TAP1: variants seen among roughly 807,000 people sequenced by gnomAD.
The protein encoded by TAP1 is transporter 1, ATP binding cassette subfamily B member.
TAP1 carries 56 observed loss-of-function variants against 79.3 expected under a neutral mutation model. The observed-to-expected ratio is 0.71, with a 90% CI of 0.57 to 0.88. TAP1 has a LOEUF of 0.88. Among genes scored for constraint, TAP1 ranks in the 40% least tolerant of loss-of-function variants. The probability of loss-of-function intolerance (pLI) is 0.00; values close to 1 mark genes in which losing one functional copy is unlikely to be tolerated. For synonymous variants in TAP1, 355 were observed against 401.4 expected (o/e 0.88, Z 1.38); for missense variants, 737 against 936.3 (o/e 0.79, Z 2.78).
chr6:32,852,756 G>C lies in TAP1; in HGVS notation c.599-254C>G. On this transcript the variant is annotated intron_variant, in intron 1 of 10. Coordinates refer to ENST00000354258, the MANE Select transcript of TAP1 (RefSeq NM_000593.6). This position sits in a 1 kb window ranked among gnomAD's most constrained non-coding sequence, Gnocchi z 4.8. ...TGAAGTAGAAAAGCCTCCTGTTAGA[G>C]ATGAGGATGCCCCGCCCTTCGGCCC... 6.9e-7 allele frequency: 1 copy of C among 1,443,062 alleles called. No individual in the cohort carries two copies. Among genetic ancestry groups the C allele is most frequent in the South Asian group, 1.5e-5 (1 of 66,678 alleles). The allele number at this position is 1,443,062 out of a possible 1,614,324, so 89.4% of individuals were successfully genotyped here. A position where few individuals can be genotyped will look rare whatever the true frequency, so the allele number is the denominator to read the frequency against.
Position 32,848,993 on chromosome 6 carries a change from C to A in TAP1, c.1374G>T (p.Val458=), listed in dbSNP as rs770774892. Residue 458 remains valine (V), a synonymous_variant, in exon 6 of 11, where the codon GTG becomes GTT. Transcript: ENST00000354258. ...AGTGAAGGTGGAGGGACCTCACCTCCACAGCCTGGGTGAACTGCATCTGGT... is the reference window on the plus strand; with the variant it reads ...AGTGAAGGTGGAGGGACCTCACCTCAACAGCCTGGGTGAACTGCATCTGGT... ...VLYQMQFTQA[V]EVLLSIYPRV... is the part of the protein sequence containing the mutation. The A allele has an allele frequency of 5.6e-6, 9 of 1,612,448 alleles. No homozygotes were observed. In the Admixed American group the frequency reaches 6.7e-5, roughly 12 times the overall value.
chr6:32,847,079 T>G lies in TAP1; in HGVS notation c.2029A>C (p.Ser677Arg). The G allele has an allele frequency of 6.2e-7, 1 of 1,612,824 alleles. No homozygotes were observed. Among genetic ancestry groups the G allele is most frequent in the Non-Finnish European group, 8.5e-7 (1 of 1,180,036 alleles). ...GATGACTGCCTCACCTGTAACTGGC[T>G]GTTTGCATCCAGGGCACTGGTGGCA... Reference protein sequence around the residue: ...DDATSALDANSQLQVEQLLYE... With the variant: ...DDATSALDANRQLQVEQLLYE... The change falls in exon 10 of 11, where the codon AGC (serine) becomes CGC (arginine). Residue 677 changes from serine to arginine, a missense_variant. Ser to Arg is a moderately radical substitution (Grantham distance 110, BLOSUM62 -1). This residue lies in a region of TAP1 where 266 missense variants were observed against 332.4 expected (regional missense o/e 0.80). Transcript: ENST00000354258. The surrounding 1 kb of genome is among the most constrained non-coding windows in gnomAD (Gnocchi z 4.7).
At position 32,850,326 on chromosome 6, in the gene TAP1, G is replaced by C; in HGVS notation, c.1242C>G (p.Thr414=). The change falls in exon 5 of 11, where the codon ACC becomes ACG. Residue 414 remains threonine (T), a synonymous_variant. Coordinates refer to ENST00000354258, the MANE Select transcript of TAP1 (RefSeq NM_000593.6). This position sits in a 1 kb window ranked among gnomAD's most constrained non-coding sequence, Gnocchi z 5.5. The part of the protein sequence containing the change: ...EAVAYAVNSW[T]TSISGMLLKV... ...TTCATCTTCAGGTGCTCACACTAGTGGTCCAGGAGTTGACTGCATAGGCCA... is the reference window on the plus strand; with the variant it reads ...TTCATCTTCAGGTGCTCACACTAGTCGTCCAGGAGTTGACTGCATAGGCCA... 6.2e-7 allele frequency: 1 copy of C among 1,614,200 alleles called. No individual in the cohort carries two copies. Among genetic ancestry groups the C allele is most frequent in the South Asian group, 1.1e-5 (1 of 91,090 alleles).
intron 7 of TAP1, 33 bp downstream of exon 7, chr6:32,848,619 G>A (rs375330861): frequency 3.7e-6 from 6 of 1,610,738 alleles, no homozygotes; most frequent in Non-Finnish European, 4.2e-6. Flanking sequence ...TTGCAGTTGG[G>A]GCCAGTGGAA....
rs575397236 is a variant in TAP1 at position 32,845,531 on chromosome 6, G to T, written c.*48C>A. 3.7e-6 allele frequency: 6 copies of T among 1,600,188 alleles called. No individual in the cohort carries two copies. In the African/African-American group the frequency reaches 8.0e-5, roughly 21 times the overall value. On this transcript the variant is annotated 3_prime_UTR_variant, in exon 11 of 11. Transcript: ENST00000354258. The surrounding 1 kb of genome is among the most constrained non-coding windows in gnomAD (Gnocchi z 4.5). ...TCTGCAGCTGTGGTTCTCCACCACA[G>T]AGAGAAGAAAAGGGAGGGAGATGGA...
In TAP1 at chr6:32,847,984, C is replaced by T. The variant is rs755212442; in HGVS notation, c.1675G>A (p.Gly559Arg). The T allele has an allele frequency of 7.4e-6, 12 of 1,612,988 alleles. No homozygotes were observed. Among genetic ancestry groups the T allele is most frequent in the East Asian group, 4.5e-5 (2 of 44,894 alleles). ...ALLQNLYQPTGGQLLLDGKPL... is the reference protein window; with the variant it reads ...ALLQNLYQPTRGQLLLDGKPL... ...TTCCCATCCAACAGCAGCTGTCCCC[C>T]GGTGGGCTGGTACAGATTCTGCAGC... The change falls in exon 8 of 11, where the codon GGG becomes AGG. Residue 559 changes from glycine to arginine, a missense_variant. By Grantham distance (125) the Gly-to-Arg change is moderately radical. Around this residue, in one of 5 missense-constraint regions of TAP1, gnomAD observed 266 missense variants for 332.4 expected, o/e 0.80. Transcript: ENST00000354258. This position sits in a 1 kb window ranked among gnomAD's most constrained non-coding sequence, Gnocchi z 4.7.
In TAP1 at chr6:32,847,778, C is replaced by A; in HGVS notation, c.1741-103G>T. On this transcript the variant is annotated intron_variant, in intron 8 of 10. Coordinates refer to ENST00000354258, the MANE Select transcript of TAP1 (RefSeq NM_000593.6). This position sits in a 1 kb window ranked among gnomAD's most constrained non-coding sequence, Gnocchi z 4.7. ...CTTTATTGAGAACATGTCACAAAAT[C>A]ATACTACCTCCCTCCTGACTACACC... is the stretch of plus-strand genomic sequence containing the variant. 1 of 1,563,748 alleles carries A rather than the reference C, an allele frequency of 6.4e-7. No homozygotes were observed. Among genetic ancestry groups the A allele is most frequent in the South Asian group, 1.1e-5 (1 of 89,938 alleles).
Position 32,851,722 on chromosome 6 carries a change from C to A in TAP1, c.844+387G>T, listed in dbSNP as rs1770788147. Among the ~76,000 whole-genome samples, 1 of 152,178 alleles carries A rather than the reference C, an allele frequency of 6.6e-6. No homozygotes were observed. Among genetic ancestry groups the A allele is most frequent in the Admixed American group, 6.5e-5 (1 of 15,280 alleles). On this transcript the variant is annotated intron_variant, in intron 3 of 10. Coordinates refer to ENST00000354258, the MANE Select transcript of TAP1 (RefSeq NM_000593.6). The surrounding 1 kb of genome is among the most constrained non-coding windows in gnomAD (Gnocchi z 4.8). ...TTAGGGTCTTGGCCTCAGTTTCCTTCTCTGTCAGATGAGGCAGTTGGTCTC... is the reference window on the plus strand; with the variant it reads ...TTAGGGTCTTGGCCTCAGTTTCCTTATCTGTCAGATGAGGCAGTTGGTCTC...
intron 5 of TAP1, chr6:32,849,966 A>T: frequency 2.6e-6 from 1 of 387,176 alleles, no homozygotes; most frequent in South Asian, 2.5e-5. Flanking sequence ...CACTCTCACT[A>T]ACAAATCTAC....
Position 32,847,355 on chromosome 6 carries a change from A to T in TAP1, c.1904-151T>A. Reference sequence around the variant, plus strand: ...GGGGAGATTCTGGGAAGATGAACAGAATCCTGAGGATGTCAGGATGAAGAA... The same window carrying T: ...GGGGAGATTCTGGGAAGATGAACAGTATCCTGAGGATGTCAGGATGAAGAA... On this transcript the variant is annotated intron_variant, in intron 9 of 10. Transcript: ENST00000354258. The surrounding 1 kb of genome is among the most constrained non-coding windows in gnomAD (Gnocchi z 4.7). 6.7e-7 allele frequency: 1 copy of T among 1,486,148 alleles called. No individual in the cohort carries two copies. Among genetic ancestry groups the T allele is most frequent in the Non-Finnish European group, 9.3e-7 (1 of 1,076,636 alleles). 92.1% of individuals were successfully genotyped at this position (1,486,148 alleles called of 1,614,324 possible).
In TAP1 at chr6:32,848,032, C is replaced by T. The variant is rs1414273501; in HGVS notation, c.1627G>A (p.Gly543Arg). 1.2e-6 allele frequency: 2 copies of T among 1,613,082 alleles called. No individual in the cohort carries two copies. The highest frequency in any genetic ancestry group is 1.7e-5 in the Admixed American group (1 of 60,026). Reference protein sequence around the residue: ...VTALVGPNGSGKSTVAALLQN... With the variant: ...VTALVGPNGSRKSTVAALLQN... ...AGCAGGGCAGCCACTGTGCTCTTCC[C>T]AGACCCATTGGGTCCCACCAGCGCC... The change falls in exon 8 of 11, where the codon GGG becomes AGG. Residue 543 changes from glycine (G) to arginine (R), a missense_variant. Coordinates refer to ENST00000354258, the MANE Select transcript of TAP1 (RefSeq NM_000593.6).
In TAP1 at chr6:32,848,724, G is replaced by A. The variant is rs1368333614; in HGVS notation, c.1494C>T (p.His498=). The change falls in exon 7 of 11, where the codon CAC becomes CAT. Residue 498 remains histidine, a synonymous_variant. Transcript: ENST00000354258. ...CPPSGLLTPL[H]LEGLVQFQDV... ...CTTGGAACTGGACAAGGCCCTCCAAGTGTAAGGGAGTCAACAGACCACTGG... is the reference window on the plus strand; with the variant it reads ...CTTGGAACTGGACAAGGCCCTCCAAATGTAAGGGAGTCAACAGACCACTGG... The A allele has an allele frequency of 3.1e-6, 5 of 1,614,178 alleles. No individual in the cohort carries two copies. Among genetic ancestry groups the A allele is most frequent in the East Asian group, 2.2e-5 (1 of 44,886 alleles).
At position 32,852,391 on chromosome 6, in the gene TAP1, G is replaced by T. The variant is rs2127392692; in HGVS notation, c.710C>A (p.Ala237Asp). Reference protein sequence around the residue: ...NLTLMSILTIASAVLEFVGDG... With the variant: ...NLTLMSILTIDSAVLEFVGDG... Reference sequence around the variant, plus strand: ...GCCCCATTTTCAGCCCCCAGACCTGGCTATGGTGAGAATGGACATGAGAGT... The same window carrying T: ...GCCCCATTTTCAGCCCCCAGACCTGTCTATGGTGAGAATGGACATGAGAGT... Residue 237 changes from alanine (A) to aspartate (D), a missense_variant, in exon 2 of 11, where the codon GCC becomes GAC. Coordinates refer to ENST00000354258, the MANE Select transcript of TAP1 (RefSeq NM_000593.6). The surrounding 1 kb of genome is among the most constrained non-coding windows in gnomAD (Gnocchi z 4.8). 9 of 1,613,008 alleles carry T rather than the reference G, an allele frequency of 5.6e-6. No homozygotes were observed. Among genetic ancestry groups the T allele is most frequent in the Non-Finnish European group, 7.6e-6 (9 of 1,180,014 alleles).
rs1353560526 is a variant in TAP1 at position 32,849,064 on chromosome 6, T to C, written c.1303A>G (p.Thr435Ala). ...TTCCCACTGCTTACAGCCCCACTGG[T>C]CACCAGCTGCCCACCAATGTAGAGG... is the stretch of plus-strand genomic sequence containing the variant. ...GILYIGGQLV[T>A]SGAVSSGNLV... The change falls in exon 6 of 11, where the codon ACC becomes GCC. Residue 435 changes from threonine (T) to alanine (A), a missense_variant. Thr to Ala is a moderately conservative substitution (Grantham distance 58). Coordinates refer to ENST00000354258, the MANE Select transcript of TAP1 (RefSeq NM_000593.6). The C allele has an allele frequency of 1.9e-6, 3 of 1,599,710 alleles. No individual in the cohort carries two copies. Among genetic ancestry groups the C allele is most frequent in the African/African-American group, 1.3e-5 (1 of 74,794 alleles).
Position 32,852,576 on chromosome 6 carries a change from C to A in TAP1, c.599-74G>T. The A allele has an allele frequency of 6.3e-7, 1 of 1,588,430 alleles. No individual in the cohort carries two copies. The highest frequency in any genetic ancestry group is 8.6e-7 in the Non-Finnish European group (1 of 1,168,020). ...TCAGTTCCAGTCAGACTGGCCCCAC[C>A]ACGCCTCCTCCCCCTCACCATTATC... On this transcript the variant is annotated intron_variant, in intron 1 of 10. Coordinates refer to ENST00000354258, the MANE Select transcript of TAP1 (RefSeq NM_000593.6). The surrounding 1 kb of genome is among the most constrained non-coding windows in gnomAD (Gnocchi z 4.8).
chr6:32,850,183 G>A lies in TAP1; in HGVS notation c.1248+137C>T. On this transcript the variant is annotated intron_variant, in intron 5 of 10. Coordinates refer to ENST00000354258, the MANE Select transcript of TAP1 (RefSeq NM_000593.6). The surrounding 1 kb of genome is among the most constrained non-coding windows in gnomAD (Gnocchi z 5.5). ...TAGGGACACTGAGTAGAGTCATTGA[G>A]CCTCAGGTTGCTAGGACGAAAATAC... is the stretch of plus-strand genomic sequence containing the variant. 1 of 866,336 alleles carries A rather than the reference G, an allele frequency of 1.2e-6. No individual in the cohort carries two copies. Among genetic ancestry groups the A allele is most frequent in the Non-Finnish European group, 1.9e-6 (1 of 525,300 alleles). The allele number at this position is 866,336 out of a possible 1,614,324, so 53.7% of individuals were successfully genotyped here.
At chr6:32,846,498 G>A (rs1770413393) in intron 10 of TAP1, 1 of 170,642 alleles carries the variant, frequency 5.9e-6, no homozygotes, top group African/African-American at 2.4e-5. Context: ...TATGAGGATG[G>A]TCTTTTCCTT....
Position 32,852,195 on chromosome 6 carries a change from A to G in TAP1, c.758T>C (p.Met253Thr). The change falls in exon 3 of 11, where the codon ATG (methionine) becomes ACG (threonine). Residue 253 changes from methionine to threonine, a missense_variant. Met to Thr is a moderately conservative substitution (Grantham distance 81). This residue lies in a region of TAP1 where 406 missense variants were observed against 477.2 expected (regional missense o/e 0.85). Transcript: ENST00000354258. The surrounding 1 kb of genome is among the most constrained non-coding windows in gnomAD (Gnocchi z 4.8). ...FVGDGIYNNT[M>T]GHVHSHLQGE... is the part of the protein sequence containing the mutation. ...CTGCAAGTGGCTGTGCACGTGGCCC[A>G]TGGTGTTGTTATAGATCCCGTCACC... is the stretch of plus-strand genomic sequence containing the variant. 2 of 1,612,970 alleles carry G rather than the reference A, an allele frequency of 1.2e-6. No homozygotes were observed. Among genetic ancestry groups the G allele is most frequent in the African/African-American group, 1.3e-5 (1 of 75,010 alleles).
intron 7 of TAP1, 98 bp downstream of exon 7, chr6:32,848,554 T>G: frequency 1.6e-6 from 2 of 1,284,756 alleles, no homozygotes; most frequent in Non-Finnish European, 2.3e-6. Flanking sequence ...TTAGGGAGGA[T>G]ATATGCTTGG....
Sources: allele counts gnomAD v4.1 joint callset (sites outside exome capture counted in the v4.1 genomes callset), GRCh38; gene constraint gnomAD v4.1.1; regional missense constraint gnomAD v4.1.1; non-coding constraint Gnocchi (gnomAD v3.1); transcripts MANE v1.5; gene names NCBI Gene and HGNC (gene_info 2026-07-23, HGNC 2026-07-21).